RPTOR: variants seen among roughly 807,000 people sequenced by gnomAD.
The protein encoded by RPTOR is regulatory associated protein of MTOR complex 1.
RPTOR carries 21 observed loss-of-function variants against 169.9 expected under a neutral mutation model. The ratio of observed to expected loss-of-function variants is 0.12; its 90% CI spans 0.09 to 0.18. The LOEUF (loss-of-function observed/expected upper bound fraction) is 0.18. Ranked by LOEUF, RPTOR falls within the 10% of genes least tolerant of loss-of-function variation. The pLI, the probability that RPTOR is intolerant of heterozygous loss-of-function variation, is 1.00. For missense variants in RPTOR, 1,133 were observed against 1,855.9 expected, an observed-to-expected ratio of 0.61 and a Z score of 7.16; for synonymous variants, 732 against 753.2, an observed-to-expected ratio of 0.97 and a Z score of 0.46.
At chr17:80,581,575 GAGACCGCAC>G (rs2065014262) in intron 1 of RPTOR, among the ~76,000 whole-genome samples, 7 of 145,896 alleles carry the variant, frequency 4.8e-5, no homozygotes, top group Admixed American at 4.1e-4. Context: ...CTCTGCAGTG[GAGACCGCAC>G]ATCGGGCCAG....
chr17:80,826,516 G>A (rs984431533), intron 9 of RPTOR, among the ~76,000 whole-genome samples: 2 of 152,240 alleles, frequency 1.3e-5, no homozygotes, highest in African/African-American at 4.8e-5. Context: ...AGCAGCCAGG[G>A]CCTCCGGCCC....
intron 1 of RPTOR, among the ~76,000 whole-genome samples, chr17:80,581,378 A>G (rs1435966217): frequency 6.6e-6 from 1 of 152,148 alleles, no homozygotes; most frequent in Non-Finnish European, 1.5e-5. Context: ...GCCGCTGTGT[A>G]TGTGGTGGCC....
At position 80,837,914 on chromosome 17, in the gene RPTOR, C is replaced by T; in HGVS notation, c.1137-8C>T. On this transcript the variant is annotated splice_polypyrimidine_tract_variant and splice_region_variant and intron_variant, in intron 9 of 33. Coordinates refer to ENST00000306801, the MANE Select transcript of RPTOR (RefSeq NM_020761.3). The stretch of plus-strand genomic sequence containing the variant: ...ATGCTCAGTGGATTTCCTCTGTTCT[C>T]TCCGCAGGCAAGCCTGGGACCTGGC... The T allele has an allele frequency of 6.2e-7, 1 of 1,609,408 alleles. No individual in the cohort carries two copies. Among genetic ancestry groups the T allele is most frequent in the Non-Finnish European group, 8.5e-7 (1 of 1,177,544 alleles).
intron 3 of RPTOR, among the ~76,000 whole-genome samples, chr17:80,700,741 G>A: frequency 6.6e-6 from 1 of 151,110 alleles, no homozygotes; most frequent in Admixed American, 6.6e-5. Context: ...TGATGGTGGT[G>A]GTGGTGGTGG....
At chr17:80,932,659 G>A (rs2068912087) in intron 24 of RPTOR, among the ~76,000 whole-genome samples, 1 of 152,100 alleles carries the variant, frequency 6.6e-6, no homozygotes. Context: ...TCTATAGAAA[G>A]TACCCAAAAT....
chr17:80,956,698 C>T (rs1424412022), intron 28 of RPTOR, among the ~76,000 whole-genome samples: 1 of 152,244 alleles, frequency 6.6e-6, no homozygotes, highest in Non-Finnish European at 1.5e-5. Context: ...AGATGGTGAG[C>T]ACCTTAGACA....
intron 24 of RPTOR, among the ~76,000 whole-genome samples, chr17:80,935,020 CAAAA>C (rs35820587): frequency 3.0e-5 from 4 of 131,828 alleles, no homozygotes; most frequent in Admixed American, 7.5e-5. Flanking sequence ...GACCCTGTCT[CAAAA>C]AAAAAAAAAA....
chr17:80,617,058 C>T lies in RPTOR; in HGVS notation c.163-8633C>T, dbSNP rs532058272. On this transcript the variant is annotated intron_variant, in intron 1 of 33. Coordinates refer to ENST00000306801, the MANE Select transcript of RPTOR (RefSeq NM_020761.3). ...AAATTTTTGACTATTGTGGTAAAGT[C>T]ATTTTTATCCCCACTTCTGCCCCCC... is the stretch of plus-strand genomic sequence containing the variant. Among the ~76,000 whole-genome samples the T allele has an allele frequency of 7.5e-4, 114 of 152,248 alleles. 1 individual carries two copies. Among genetic ancestry groups the T allele is most frequent in the Non-Finnish European group, 2.1e-4 (14 of 68,004 alleles).
chr17:80,841,476 A>C (rs2067656400), intron 10 of RPTOR, among the ~76,000 whole-genome samples: 1 of 99,138 alleles, frequency 1.0e-5, no homozygotes, highest in Non-Finnish European at 2.0e-5. Context: ...GGCAGCTCAC[A>C]CCACACGGCA....
Position 80,754,181 on chromosome 17 carries a change from C to T in RPTOR, c.826C>T (p.Arg276Cys), listed in dbSNP as rs1481790013. ...CLTTPIKIALRWFCMQKCVSL... is the reference protein window; with the variant it reads ...CLTTPIKIALCWFCMQKCVSL... ...CACCACCCCCATCAAGATCGCCCTG[C>T]GCTGGTGAGTGGCCCCTGCTGTGCC... The change falls in exon 6 of 34, where the codon CGC becomes TGC. Residue 276 changes from arginine (R) to cysteine (C), a missense_variant. By Grantham distance (180) the Arg-to-Cys change is radical. Around this residue, in one of 9 missense-constraint regions of RPTOR, gnomAD observed 289 missense variants for 585.8 expected, o/e 0.49. Coordinates refer to ENST00000306801, the MANE Select transcript of RPTOR (RefSeq NM_020761.3). This position sits in a 1 kb window ranked among gnomAD's most constrained non-coding sequence, Gnocchi z 4.2. The T allele has an allele frequency of 3.8e-6, 6 of 1,597,480 alleles. No individual in the cohort carries two copies. The highest frequency in any genetic ancestry group is 4.3e-6 in the Non-Finnish European group (5 of 1,169,336).
In RPTOR at chr17:80,730,867, G is replaced by C. The variant is rs994936374; in HGVS notation, c.654+161G>C. 3.9e-5 allele frequency among the ~76,000 whole-genome samples: 6 copies of C among 152,032 alleles called. No individual in the cohort carries two copies. The highest frequency in any genetic ancestry group is 8.8e-5 in the Non-Finnish European group (6 of 67,986). ...GCATATTCAATGCTGTTGAGCTAGG[G>C]AGGCACTCAGCACACTTTATTTTTG... On this transcript the variant is annotated intron_variant, in intron 5 of 33. Coordinates refer to ENST00000306801, the MANE Select transcript of RPTOR (RefSeq NM_020761.3). The surrounding 1 kb of genome is among the most constrained non-coding windows in gnomAD (Gnocchi z 4.2).
At chr17:80,670,606 A>C (rs1210140270) in intron 3 of RPTOR, among the ~76,000 whole-genome samples, 6 of 152,146 alleles carry the variant, frequency 3.9e-5, no homozygotes, top group Admixed American at 1.3e-4. Flanking sequence ...TGTGAGCTGT[A>C]GGAGGCCAGA....
In RPTOR at chr17:80,964,483, C is replaced by T. The variant is rs1397302983; in HGVS notation, c.*153C>T. On this transcript the variant is annotated 3_prime_UTR_variant, in exon 34 of 34. Coordinates refer to ENST00000306801, the MANE Select transcript of RPTOR (RefSeq NM_020761.3). ...ATGACGGCAGGAGGGCCCTGCTACT[C>T]GCTTTTGTCTGTCTTCGCTGTCGTG... 7.0e-6 allele frequency: 5 copies of T among 715,570 alleles called. No individual in the cohort carries two copies. The highest frequency in any genetic ancestry group is 2.6e-4 in the Middle Eastern group (1 of 3,858). The allele number at this position is 715,570 out of a possible 1,614,324, so 44.3% of individuals were successfully genotyped here.
chr17:80,827,464 C>T (rs928700836), intron 9 of RPTOR, among the ~76,000 whole-genome samples: 3 of 152,260 alleles, frequency 2.0e-5, no homozygotes, highest in Admixed American at 6.5e-5. Flanking sequence ...TTAGCTTGGC[C>T]TCCCACCACT....
intron 3 of RPTOR, among the ~76,000 whole-genome samples, chr17:80,690,000 T>C (rs752772265): frequency 2.0e-5 from 3 of 152,260 alleles, no homozygotes; most frequent in Non-Finnish European, 2.9e-5. Context: ...CATTAAGTTA[T>C]ATGTAAAAGC....
chr17:80,615,949 A>C (rs938530994), intron 1 of RPTOR, among the ~76,000 whole-genome samples: 1 of 152,090 alleles, frequency 6.6e-6, no homozygotes, highest in African/African-American at 2.4e-5. Context: ...GAACGGCTTC[A>C]TGAGATGCGT....
At chr17:80,940,435 G>A (rs572328548) in intron 24 of RPTOR, 61 bp from the exon 25 acceptor site, 1 of 1,448,200 alleles carries the variant, frequency 6.9e-7, no homozygotes, top group Admixed American at 1.9e-5. Flanking sequence ...ATACCCCATT[G>A]ATACCAAGAG....
At chr17:80,652,632 A>G (rs901396915) in intron 3 of RPTOR, among the ~76,000 whole-genome samples, 6 of 152,190 alleles carry the variant, frequency 3.9e-5, no homozygotes, top group African/African-American at 1.4e-4. Context: ...TGGCTAGTCT[A>G]CATTTCTATT....
At position 80,844,613 on chromosome 17, in the gene RPTOR, C is replaced by T. The variant is rs2067705758; in HGVS notation, c.1213-1860C>T. ...CAGGTTGCCCTCCAAGTGTGATTAA[C>T]TTTCTGTAAGCTGGCTGCACAGGAG... On this transcript the variant is annotated intron_variant, in intron 10 of 33. Transcript: ENST00000306801. The surrounding 1 kb of genome is among the most constrained non-coding windows in gnomAD (Gnocchi z 4.7). Among the ~76,000 whole-genome samples, 2 of 152,214 alleles carry T rather than the reference C, an allele frequency of 1.3e-5. No individual in the cohort carries two copies. The highest frequency in any genetic ancestry group is 4.1e-4 in the South Asian group (2 of 4,830).
Sources: gnomAD v4.1 joint callset for allele counts (sites outside exome capture counted in the v4.1 genomes callset) on GRCh38, gnomAD v4.1.1 for gene constraint, gnomAD v4.1.1 regional missense constraint, Gnocchi (gnomAD v3.1) non-coding constraint, MANE v1.5 for transcripts, NCBI Gene and HGNC (gene_info 2026-07-23, HGNC 2026-07-21) for gene names.